TUT4: variants seen among roughly 807,000 people sequenced by gnomAD.
TUT4 encodes the protein terminal uridylyl transferase 4.
A neutral mutation model predicts 192.2 loss-of-function variants in TUT4; 36 were observed. The observed-to-expected ratio is 0.19, with a 90% confidence interval of 0.14 to 0.25. The LOEUF (loss-of-function observed/expected upper bound fraction) is 0.25. TUT4 is among the 10% of genes least tolerant of loss of function. The pLI is 1.00. For synonymous variants in TUT4, 618 were observed against 666.0 expected, an observed-to-expected ratio of 0.93 and a Z score of 1.11; for missense variants, 1,493 against 1,957.2, an observed-to-expected ratio of 0.76 and a Z score of 4.47.
At chr1:52,509,484 T>G in intron 4 of TUT4, 112 bp downstream of exon 4, 1 of 688,408 alleles carries the variant, frequency 1.5e-6, no homozygotes, top group Non-Finnish European at 2.4e-6. Context: ...TCACTTCAGT[T>G]ACCAATATAA....
chr1:52,535,861 T>C (rs1267603365), intron 1 of TUT4, among the ~76,000 whole-genome samples: 1 of 152,152 alleles, frequency 6.6e-6, no homozygotes, highest in Non-Finnish European at 1.5e-5. Context: ...GTGACATATT[T>C]GAAGTCCTAA....
In TUT4 at chr1:52,425,368, G is replaced by T. The variant is rs766777350; in HGVS notation, c.4851C>A (p.Asn1617Lys). ...TGGTACCTTGAGTATAGAAAGGTTT[G>T]TTGGGCTGGAATCGGGCATTTCCCT... is the stretch of plus-strand genomic sequence containing the variant. ...MHQGNARFQP[N>K]KPFYTQDRCA... Residue 1617 changes from asparagine (N) to lysine (K), a missense_variant, in exon 29 of 30, where the codon AAC (asparagine) becomes AAA (lysine). This residue lies in a region of TUT4 where 351 missense variants were observed against 397.8 expected (regional missense o/e 0.88). Coordinates refer to ENST00000257177, the MANE Select transcript of TUT4 (RefSeq NM_001009881.3). The T allele has an allele frequency of 6.2e-7, 1 of 1,613,712 alleles. No individual in the cohort carries two copies. The highest frequency in any genetic ancestry group is 8.5e-7 in the Non-Finnish European group (1 of 1,179,846).
At chr1:52,440,056 A>C (rs1338707243) in intron 24 of TUT4, among the ~76,000 whole-genome samples, 2 of 152,250 alleles carry the variant, frequency 1.3e-5, no homozygotes, top group Non-Finnish European at 2.9e-5. Context: ...CTTATATGAA[A>C]TGTCCAAAAT....
Position 52,475,041 on chromosome 1 carries a change from T to G in TUT4, c.2518A>C (p.Lys840Gln). The G allele has an allele frequency of 3.1e-6, 5 of 1,614,184 alleles. 1 individual carries two copies. The highest frequency in any genetic ancestry group is 4.2e-6 in the Non-Finnish European group (5 of 1,180,018). Residue 840 changes from lysine to glutamine, a missense_variant, in exon 13 of 30, where the codon AAG becomes CAG. Physicochemically the swap from Lys to Gln is moderately conservative, Grantham distance 53. This residue lies in a region of TUT4 where 245 missense variants were observed against 218.4 expected (regional missense o/e 1.12). Transcript: ENST00000257177. ...LSQCNCIDLSKSPDPDKSTGT... is the reference protein window; with the variant it reads ...LSQCNCIDLSQSPDPDKSTGT... ...GTAGATTTATCTGGGTCAGGCGACT[T>G]AGACAAATCAATGCAATTACATTGG...
chr1:52,477,152 C>T (rs1235129679), intron 12 of TUT4, among the ~76,000 whole-genome samples: 1 of 152,052 alleles, frequency 6.6e-6, no homozygotes, highest in Non-Finnish European at 1.5e-5. Context: ...TGCAAGTTTG[C>T]ATAATTAAAA....
chr1:52,431,502 AT>A (rs745597766), intron 27 of TUT4, 42 bp from the exon 28 acceptor site: 2 of 1,321,932 alleles, frequency 1.5e-6, no homozygotes, highest in Admixed American at 5.8e-5. Context: ...ATTTATAAAC[AT>A]CTTAATTTTA....
At chr1:52,460,122 T>C (rs1662154534) in intron 19 of TUT4, among the ~76,000 whole-genome samples, 4 of 152,202 alleles carry the variant, frequency 2.6e-5, no homozygotes. Flanking sequence ...GCATATCAAG[T>C]CTTGTATGTA....
At chr1:52,429,941 T>C (rs1651490960) in intron 28 of TUT4, among the ~76,000 whole-genome samples, 1 of 144,796 alleles carries the variant, frequency 6.9e-6, no homozygotes. Context: ...TGTGTATATA[T>C]GTGTGTGTGT....
chr1:52,477,603 CATAT>C (rs1157536641), intron 12 of TUT4, 101 bp downstream of exon 12: 5 of 1,083,542 alleles, frequency 4.6e-6, no homozygotes, highest in Non-Finnish European at 5.2e-6. Context: ...AATCTAGTGA[CATAT>C]ATATATAGTG....
At chr1:52,489,228 C>A (rs751107925) in intron 8 of TUT4, among the ~76,000 whole-genome samples, 193 bp from the exon 9 acceptor site, 2 of 152,076 alleles carry the variant, frequency 1.3e-5, no homozygotes, top group Non-Finnish European at 2.9e-5. Flanking sequence ...GAGTTCCATA[C>A]GAATTAAAGA....
intron 25 of TUT4, among the ~76,000 whole-genome samples, 171 bp downstream of exon 25, chr1:52,438,049 A>G (rs1290861414): frequency 6.6e-6 from 1 of 152,202 alleles, no homozygotes; most frequent in Non-Finnish European, 1.5e-5. Flanking sequence ...ATACTATTAT[A>G]CCACATGCAA....
At chr1:52,456,411 CAAAAAAAAA>C (rs1157223640) in intron 20 of TUT4, among the ~76,000 whole-genome samples, 7 of 11,998 alleles carry the variant, frequency 5.8e-4, no homozygotes, top group African/African-American at 8.5e-4. Context: ...GACTGTGTCT[CAAAAAAAAA>C]AAAAAAAAAA....
At chr1:52,462,635 A>C (rs2148713205) in intron 16 of TUT4, 1 of 753,112 alleles carries the variant, frequency 1.3e-6, no homozygotes, top group African/African-American at 1.9e-5. Flanking sequence ...ATGTATGTAA[A>C]GCACTCAGCA....
At chr1:52,444,975 A>G (rs12090128) in intron 24 of TUT4, among the ~76,000 whole-genome samples, 3 of 140,614 alleles carry the variant, frequency 2.1e-5, no homozygotes, top group Non-Finnish European at 4.7e-5. Flanking sequence ...ATACATGTAT[A>G]TGTGTGTATA....
intron 25 of TUT4, 59 bp from the exon 26 acceptor site, chr1:52,437,037 A>C (rs750211663): frequency 3.2e-6 from 5 of 1,572,708 alleles, no homozygotes; most frequent in Non-Finnish European, 4.3e-6. Context: ...AGAACAAACT[A>C]TGCAGGACTC....
At chr1:52,488,071 C>A (rs1329243793) in intron 9 of TUT4, among the ~76,000 whole-genome samples, 1 of 152,122 alleles carries the variant, frequency 6.6e-6, no homozygotes, top group Non-Finnish European at 1.5e-5. Context: ...AAAGAAGCCC[C>A]AACCTTAGGC....
chr1:52,476,594 C>T (rs1328945742), intron 12 of TUT4, among the ~76,000 whole-genome samples: 2 of 151,906 alleles, frequency 1.3e-5, no homozygotes, highest in Admixed American at 6.6e-5. Flanking sequence ...TCTAAATCCA[C>T]AGGCTTTAAA....
intron 22 of TUT4, 77 bp from the exon 23 acceptor site, chr1:52,446,081 G>A (rs1657445311): frequency 4.3e-6 from 6 of 1,409,786 alleles, no homozygotes. Context: ...CACCGCTGAA[G>A]TCTAATACTT....
chr1:52,458,481 CAG>C (rs1346248696), intron 19 of TUT4, 32 bp from the exon 20 acceptor site: 1 of 1,496,596 alleles, frequency 6.7e-7, no homozygotes, highest in Admixed American at 1.7e-5. Context: ...AACAAAACTT[CAG>C]AGTCTTACTC....
Sources: gnomAD v4.1 joint callset for allele counts (sites outside exome capture counted in the v4.1 genomes callset) on GRCh38, gnomAD v4.1.1 for gene constraint, gnomAD v4.1.1 regional missense constraint, MANE v1.5 for transcripts, NCBI Gene and HGNC (gene_info 2026-07-23, HGNC 2026-07-21) for gene names.